The following OSBPL8 variants were observed in gnomAD, a reference collection of about 807,000 sequenced individuals.
OSBPL8 encodes oxysterol-binding protein-related protein 8.
OSBPL8 carries 59 observed loss-of-function variants against 125.5 expected under a neutral mutation model. The observed-to-expected ratio is 0.47, with a 90% CI of 0.38 to 0.58. OSBPL8 has a LOEUF of 0.58. Ranked by LOEUF, OSBPL8 falls within the 20% of genes least tolerant of loss-of-function variation. OSBPL8 has a pLI of 0.00. For missense variants in OSBPL8, 758 were observed against 1,047.8 expected (o/e 0.72, Z 3.82); for synonymous variants, 330 against 338.9 (o/e 0.97, Z 0.29).
chr12:76,463,540 G>A (rs1289890709), intron 2 of OSBPL8, among the ~76,000 whole-genome samples: 1 of 152,174 alleles, frequency 6.6e-6, no homozygotes, highest in African/African-American at 2.4e-5. Flanking sequence ...TGAGAGTTAT[G>A]TTATATGACC....
intron 1 of OSBPL8, among the ~76,000 whole-genome samples, chr12:76,540,725 G>C (rs1290546959): frequency 2.7e-5 from 4 of 149,486 alleles, no homozygotes; most frequent in African/African-American, 9.8e-5. Context: ...ATTTCAAGCA[G>C]AAAATTATCC....
rs916063456 is a variant in OSBPL8 at position 76,353,408 on chromosome 12, A to T, written c.*2481T>A. On this transcript the variant is annotated 3_prime_UTR_variant, in exon 24 of 24. Transcript: ENST00000261183. ...AAAGAAAATGCACATGTGAATAATT[A>T]TTACTCAATTAAATTTTCATGTAGG... is the stretch of plus-strand genomic sequence containing the variant. 1 of 151,598 alleles carries T rather than the reference A, an allele frequency of 6.6e-6. No individual in the cohort carries two copies. Among genetic ancestry groups the T allele is most frequent in the Non-Finnish European group, 1.5e-5 (1 of 67,770 alleles). The allele number at this position is 151,598 out of a possible 1,614,324, so 9.4% of individuals were successfully genotyped here. A position where few individuals can be genotyped will look rare whatever the true frequency, so the allele number is the denominator to read the frequency against.
intron 21 of OSBPL8, among the ~76,000 whole-genome samples, chr12:76,364,029 A>G (rs1349184356): frequency 1.3e-5 from 2 of 152,212 alleles, no homozygotes; most frequent in East Asian, 3.8e-4. Flanking sequence ...GTGGAGAAAT[A>G]GGAACACTTT....
At chr12:76,441,238 A>G (rs1872145920) in intron 4 of OSBPL8, among the ~76,000 whole-genome samples, 1 of 152,140 alleles carries the variant, frequency 6.6e-6, no homozygotes, top group African/African-American at 2.4e-5. Flanking sequence ...TGAATTCCCC[A>G]GGGGATATTG....
chr12:76,542,231 C>A (rs1008293772), intron 1 of OSBPL8, among the ~76,000 whole-genome samples: 2 of 152,196 alleles, frequency 1.3e-5, no homozygotes, highest in Non-Finnish European at 2.9e-5. Context: ...CACTCCCTCC[C>A]TTTAAAGACT....
chr12:76,358,175 C>CTTTTTTTTT (rs60714321), intron 22 of OSBPL8, among the ~76,000 whole-genome samples: 3 of 100,192 alleles, frequency 3.0e-5, no homozygotes, highest in Non-Finnish European at 3.8e-5. Context: ...GAGTGTGGTT[C>CTTTTTTTTT]TTTTTTTTTT....
intron 4 of OSBPL8, among the ~76,000 whole-genome samples, chr12:76,438,366 G>C (rs1187107716): frequency 1.3e-5 from 2 of 151,042 alleles, no homozygotes; most frequent in African/African-American, 4.9e-5. Context: ...GCAGTGGTGC[G>C]ATTACGGCTC....
At chr12:76,552,218 A>G (rs1950961292) in intron 1 of OSBPL8, among the ~76,000 whole-genome samples, 2 of 152,044 alleles carry the variant, frequency 1.3e-5, no homozygotes, top group African/African-American at 4.8e-5. Flanking sequence ...TGAACTCAGC[A>G]GTTAGAGACC....
intron 1 of OSBPL8, among the ~76,000 whole-genome samples, chr12:76,535,384 G>A (rs527260313): frequency 8.6e-5 from 13 of 151,928 alleles, no homozygotes; most frequent in Non-Finnish European, 1.0e-4. Flanking sequence ...TCAGCGAAAC[G>A]CAAATGAAAA....
chr12:76,552,410 A>G (rs1173758504), intron 1 of OSBPL8, among the ~76,000 whole-genome samples: 1 of 133,978 alleles, frequency 7.5e-6, no homozygotes, highest in African/African-American at 2.8e-5. Flanking sequence ...TGAGCAACAG[A>G]GCGATACCCC....
chr12:76,377,833 T>TCTCTG (rs2136228214), intron 16 of OSBPL8, among the ~76,000 whole-genome samples: 1 of 152,226 alleles, frequency 6.6e-6, no homozygotes, highest in African/African-American at 2.4e-5. Context: ...CATATTAACC[T>TCTCTG]CTCTGTGCTT....
At chr12:76,479,036 G>A (rs1261046449) in intron 2 of OSBPL8, among the ~76,000 whole-genome samples, 1 of 152,120 alleles carries the variant, frequency 6.6e-6, no homozygotes, top group Non-Finnish European at 1.5e-5. Flanking sequence ...ACTCCAGCCT[G>A]GGCGACAGAG....
At chr12:76,413,161 A>G (rs1489315239) in intron 4 of OSBPL8, among the ~76,000 whole-genome samples, 2 of 152,216 alleles carry the variant, frequency 1.3e-5, no homozygotes, top group Admixed American at 1.3e-4. Flanking sequence ...AAAAATGCCT[A>G]AAACATAAAT....
intron 4 of OSBPL8, among the ~76,000 whole-genome samples, chr12:76,436,944 A>T (rs577430889): frequency 6.6e-6 from 1 of 152,158 alleles, no homozygotes; most frequent in East Asian, 1.9e-4. Flanking sequence ...TAAACTTTAC[A>T]TAAATGTCTT....
chr12:76,420,733 T>A (rs1348327525), intron 4 of OSBPL8, among the ~76,000 whole-genome samples: 8 of 152,172 alleles, frequency 5.3e-5, no homozygotes, highest in African/African-American at 1.7e-4. Context: ...AACAATGAAG[T>A]ATATCAGGAG....
chr12:76,431,050 T>C, intron 4 of OSBPL8, among the ~76,000 whole-genome samples: 1 of 152,020 alleles, frequency 6.6e-6, no homozygotes, highest in Middle Eastern at 3.2e-3. Flanking sequence ...GTAGAATAAC[T>C]ATAAAGACAA....
Position 76,392,803 on chromosome 12 carries a change from A to G in OSBPL8, c.758-51T>C, listed in dbSNP as rs367598042. ...CTATAATTTTTAAAACTATGAAACT[A>G]GCATGCATCTTAACTTACCCTGTTA... On this transcript the variant is annotated intron_variant, in intron 9 of 23. Transcript: ENST00000261183. 1.4e-5 allele frequency: 21 copies of G among 1,510,692 alleles called. No homozygotes were observed. The African/African-American group carries it at 2.9e-4, about 21-fold the overall frequency. 93.6% of individuals were successfully genotyped at this position (1,510,692 alleles called of 1,614,324 possible).
intron 4 of OSBPL8, among the ~76,000 whole-genome samples, chr12:76,420,571 AT>A (rs1396341825): frequency 1.3e-5 from 2 of 152,096 alleles, no homozygotes; most frequent in Non-Finnish European, 2.9e-5. Context: ...AAAGAAAAAA[AT>A]ATTTTTTTCA....
rs1951945232 is a variant in OSBPL8, at chr12:76,355,391, A to G, written c.*498T>C. 1 of 151,454 alleles carries G rather than the reference A, an allele frequency of 6.6e-6. No homozygotes were observed. The highest frequency in any genetic ancestry group is 2.5e-5 in the African/African-American group (1 of 40,722). The allele number at this position is 151,454 out of a possible 1,614,324, so 9.4% of individuals were successfully genotyped here. ...TGAGTGCTTTGCAAATGATTTTAAC[A>G]GTAGTGTATTGAATTAATTATGTCT... On this transcript the variant is annotated 3_prime_UTR_variant, in exon 24 of 24. Transcript: ENST00000261183.
Sources: allele counts gnomAD v4.1 joint callset (sites outside exome capture counted in the v4.1 genomes callset), GRCh38; gene constraint gnomAD v4.1.1; transcripts MANE v1.5; gene names NCBI Gene and HGNC (gene_info 2026-07-23, HGNC 2026-07-21).